The following ARMCX4 variants were observed in gnomAD, a reference collection of about 807,000 sequenced individuals.
ARMCX4 encodes the protein armadillo repeat-containing X-linked protein 4.
In ARMCX4, 3 loss-of-function variants were observed where a neutral mutation model predicts 34.7. That is an observed-to-expected ratio of 0.09 (90% CI 0.04 to 0.22). The LOEUF (loss-of-function observed/expected upper bound fraction) is 0.22. ARMCX4 is among the 10% of genes least tolerant of loss of function. The probability of loss-of-function intolerance (pLI) is 1.00; values close to 1 mark genes in which losing one functional copy is unlikely to be tolerated. For missense variants in ARMCX4, 1,448 were observed against 1,720.8 expected, an observed-to-expected ratio of 0.84 and a Z score of 2.81; for synonymous variants, 513 against 632.8, an observed-to-expected ratio of 0.81 and a Z score of 2.84.
In ARMCX4 at chrX:101,492,064, G is replaced by C; in HGVS notation, c.3475G>C (p.Asp1159His). 1 of 1,153,444 alleles carries C rather than the reference G, an allele frequency of 8.7e-7. No individual in the cohort carries two copies. The highest frequency in any genetic ancestry group is 1.1e-6 in the Non-Finnish European group (1 of 871,312). ...TATTCGGTCTTGGGCTGTGGCTTGT[G>C]ATGAGACCAGTGTTAAGTCCTGGGC... ...GIIRSWAVAC[D>H]ETSVKSWAGA... Residue 1159 changes from aspartate (D) to histidine (H), a missense_variant, in exon 6 of 6, where the codon GAT (aspartate) becomes CAT (histidine). By Grantham distance (81) the Asp-to-His change is moderately conservative. This residue lies in a region of ARMCX4 where 1,343 missense variants were observed against 1,540.7 expected (regional missense o/e 0.87). Coordinates refer to ENST00000423738, the MANE Select transcript of ARMCX4 (RefSeq NM_001256155.3).
intron 2 of ARMCX4, among the ~76,000 whole-genome samples, chrX:101,440,708 C>G (rs182385166): frequency 0.016 from 1,780 of 111,613 alleles, 12 homozygotes; most frequent in Non-Finnish European, 0.023. Context: ...TGCCACCTTG[C>G]AGTTTGATCT....
chrX:101,513,924 G>A (rs1934653361), intron 11 of ARMCX4, among the ~76,000 whole-genome samples: 1 of 110,597 alleles, frequency 9.0e-6, no homozygotes, highest in Non-Finnish European at 1.9e-5. Context: ...TAGTACTAAG[G>A]GATACTAGTG....
intron 4 of ARMCX4, among the ~76,000 whole-genome samples, chrX:101,466,631 T>C (rs1415874689): frequency 8.9e-6 from 1 of 112,361 alleles, no homozygotes; most frequent in Non-Finnish European, 1.9e-5. Flanking sequence ...TAAAAAGTCT[T>C]GTTTCATTTA....
At chrX:101,471,458 T>G (rs1932900189) in intron 4 of ARMCX4, among the ~76,000 whole-genome samples, 1 of 112,562 alleles carries the variant, frequency 8.9e-6, no homozygotes, top group Non-Finnish European at 1.9e-5. Context: ...ACTTCTAGTA[T>G]GCTAGGAACA....
At chrX:101,464,547 A>G (rs1313690491) in intron 4 of ARMCX4, among the ~76,000 whole-genome samples, 1 of 111,362 alleles carries the variant, frequency 9.0e-6, no homozygotes, top group South Asian at 3.8e-4. Flanking sequence ...AGTTATACCT[A>G]TAAAATAAGT....
chrX:101,450,299 C>T, downstream of ARMCX4, among the ~76,000 whole-genome samples: 1 of 112,525 alleles, frequency 8.9e-6, no homozygotes, highest in South Asian at 3.7e-4. Flanking sequence ...TTGTGTCTTT[C>T]TTCCCTCCCC....
intron 11 of ARMCX4, chrX:101,524,331 T>C (rs1934917543): frequency 1.8e-5 from 2 of 112,030 alleles, no homozygotes; most frequent in African/African-American, 6.5e-5. Flanking sequence ...AGAAAAAATT[T>C]TAGACTGATC....
chrX:101,492,676 G>C lies in ARMCX4; in HGVS notation c.4087G>C (p.Gly1363Arg). 4 of 1,120,883 alleles carry C rather than the reference G, an allele frequency of 3.6e-6. No homozygotes were observed. The highest frequency in any genetic ancestry group is 4.7e-6 in the Non-Finnish European group (4 of 852,637). 92.4% of individuals were successfully genotyped at this position (1,120,883 alleles called of 1,213,427 possible). Residue 1363 changes from glycine (G) to arginine (R), a missense_variant, in exon 6 of 6, where the codon GGG (glycine) becomes CGG (arginine). Physicochemically the swap from Gly to Arg is moderately radical, Grantham distance 125. Coordinates refer to ENST00000423738, the MANE Select transcript of ARMCX4 (RefSeq NM_001256155.3). ...WADTADQASG[G>R]SRLGHVDQSS... Reference sequence around the variant, plus strand: ...TGACACTGCAGACCAAGCCAGTGGAGGGTCTAGGCTGGGCCACGTAGATCA... The same window carrying C: ...TGACACTGCAGACCAAGCCAGTGGACGGTCTAGGCTGGGCCACGTAGATCA...
intron 2 of ARMCX4, among the ~76,000 whole-genome samples, chrX:101,429,625 C>T (rs186929942): frequency 2.3e-4 from 26 of 110,786 alleles, no homozygotes; most frequent in East Asian, 5.7e-4. Context: ...TGTGAGCCAC[C>T]GCGCCCAGCC....
At chrX:101,446,675 G>T (rs1931655455), downstream of ARMCX4, among the ~76,000 whole-genome samples, 1 of 111,122 alleles carries the variant, frequency 9.0e-6, no homozygotes, top group Non-Finnish European at 1.9e-5. Flanking sequence ...GTTGGCTGAG[G>T]CCAGTTGTGG....
At chrX:101,435,011 C>T (rs62600848) in intron 2 of ARMCX4, among the ~76,000 whole-genome samples, 6,953 of 111,039 alleles carry the variant, frequency 0.063, 220 homozygotes, top group South Asian at 0.27. Flanking sequence ...TGTATATGTG[C>T]CACATTTTCT....
intron 8 of ARMCX4, among the ~76,000 whole-genome samples, chrX:101,508,513 A>C (rs2147698649): frequency 9.0e-6 from 1 of 111,027 alleles, no homozygotes; most frequent in African/African-American, 3.3e-5. Flanking sequence ...CAATCCTATC[A>C]GATTAGGGCT....
At position 101,493,650 on chromosome X, in the gene ARMCX4, T is replaced by G. The variant is rs968510695; in HGVS notation, c.5061T>G (p.Ser1687=). Residue 1687 remains serine (S), a synonymous_variant, in exon 6 of 6, where the codon TCT becomes TCG. Transcript: ENST00000423738. ...CCAGTGGAGAATCCTGGGCTGGATC[T>G]AGGCCTGGGAATGAGGCCATTGGAG... ...SQASGESWAG[S]RPGNEAIGGS... 14 of 1,150,267 alleles carry G rather than the reference T, an allele frequency of 1.2e-5. No individual in the cohort carries two copies. In the Admixed American group the frequency reaches 2.6e-4, roughly 22 times the overall value. The allele number at this position is 1,150,267 out of a possible 1,213,427, so 94.8% of individuals were successfully genotyped here. A position where few individuals can be genotyped will look rare whatever the true frequency, so the allele number is the denominator to read the frequency against.
downstream of ARMCX4, among the ~76,000 whole-genome samples, chrX:101,534,495 TAA>T (rs782576782): frequency 3.7e-4 from 41 of 111,182 alleles, no homozygotes; most frequent in African/African-American, 1.3e-3. Flanking sequence ...ATACTATAGT[TAA>T]AACAGTTTGT....
At chrX:101,535,394 CT>C (rs1396899767), downstream of ARMCX4, among the ~76,000 whole-genome samples, 2 of 111,622 alleles carry the variant, frequency 1.8e-5, no homozygotes, top group Admixed American at 9.5e-5. Flanking sequence ...AACTAATGCC[CT>C]GTGGGAAACA....
intron 2 of ARMCX4, among the ~76,000 whole-genome samples, chrX:101,428,872 C>CTTT (rs57998955): frequency 1.5e-3 from 100 of 66,250 alleles, no homozygotes; most frequent in African/African-American, 4.8e-3. Flanking sequence ...ATTTCTTTTC[C>CTTT]TTTTTTTTTT....
chrX:101,458,709 A>G (rs1356648059), intron 4 of ARMCX4, among the ~76,000 whole-genome samples: 2 of 110,148 alleles, frequency 1.8e-5, no homozygotes, highest in East Asian at 5.7e-4. Context: ...CTGGTCTCGA[A>G]CTCCTGAACT....
chrX:101,517,572 G>A (rs1290284335), intron 11 of ARMCX4, among the ~76,000 whole-genome samples: 2 of 111,522 alleles, frequency 1.8e-5, no homozygotes, highest in African/African-American at 6.5e-5. Flanking sequence ...ACCACACTTG[G>A]CCTGATTATT....
At chrX:101,433,087 T>TACACGTGTATATATACACATATGTATAC (rs1930336305) in intron 2 of ARMCX4, among the ~76,000 whole-genome samples, 2 of 109,595 alleles carry the variant, frequency 1.8e-5, no homozygotes, top group Non-Finnish European at 3.8e-5. Flanking sequence ...TATGTATACA[T>TACACGTGTATATATACACATATGTATAC]ATATGTGTAT....
Sources: gnomAD v4.1 joint callset for allele counts (sites outside exome capture counted in the v4.1 genomes callset) on GRCh38, gnomAD v4.1.1 for gene constraint, gnomAD v4.1.1 regional missense constraint, MANE v1.5 for transcripts, NCBI Gene and HGNC (gene_info 2026-07-23, HGNC 2026-07-21) for gene names.